The following LLGL2 variants were observed in gnomAD, a reference collection of about 807,000 sequenced individuals.
The protein encoded by LLGL2 is LLGL scribble cell polarity complex component 2, also known as LLGL2, scribble cell polarity complex component.
LLGL2 carries 81 observed loss-of-function variants against 123.2 expected under a neutral mutation model. The ratio of observed to expected loss-of-function variants is 0.66; its 90% CI spans 0.55 to 0.79. The LOEUF (loss-of-function observed/expected upper bound fraction) is 0.79. Ranked by LOEUF, LLGL2 falls within the 30% of genes least tolerant of loss-of-function variation. The pLI, the probability that LLGL2 is intolerant of heterozygous loss-of-function variation, is 0.00. For missense variants in LLGL2, 1,273 were observed against 1,414.6 expected (o/e 0.90, Z 1.61); for synonymous variants, 577 against 594.1 (o/e 0.97, Z 0.42).
At chr17:75,550,039 C>G (rs375759610) in intron 2 of LLGL2, among the ~76,000 whole-genome samples, 1 of 152,216 alleles carries the variant, frequency 6.6e-6, no homozygotes, top group Non-Finnish European at 1.5e-5. Context: ...CAGATGTGGG[C>G]GGGGCCGGGT....
chr17:75,539,644 G>T (rs1475862960), intron 1 of LLGL2, among the ~76,000 whole-genome samples: 1 of 141,304 alleles, frequency 7.1e-6, no homozygotes, highest in Admixed American at 7.4e-5. Context: ...ATTTCACTCC[G>T]TCACCCAGAC....
At position 75,574,197 on chromosome 17, in the gene LLGL2, G is replaced by T; in HGVS notation, c.2906-16G>T. ...GGGCCCAGGCGGGGCGCCCTGACCC[G>T]GCCTCTACCTTCCAGAGAAGCAGCC... is the stretch of plus-strand genomic sequence containing the variant. On this transcript the variant is annotated splice_polypyrimidine_tract_variant and intron_variant, in intron 22 of 25. Coordinates refer to ENST00000392550, the MANE Select transcript of LLGL2 (RefSeq NM_001031803.2). 1 of 1,529,244 alleles carries T rather than the reference G, an allele frequency of 6.5e-7. No homozygotes were observed. Among genetic ancestry groups the T allele is most frequent in the Non-Finnish European group, 8.8e-7 (1 of 1,136,572 alleles). The allele number at this position is 1,529,244 out of a possible 1,614,324, so 94.7% of individuals were successfully genotyped here.
chr17:75,562,939 C>A (rs1162083001), intron 6 of LLGL2, 77 bp from the exon 7 acceptor site: 1 of 1,553,044 alleles, frequency 6.4e-7, no homozygotes, highest in East Asian at 2.3e-5. Flanking sequence ...GCATAGGGAG[C>A]CCCATGGCTG....
chr17:75,539,780 G>T (rs1568024673), intron 1 of LLGL2, among the ~76,000 whole-genome samples: 1 of 151,052 alleles, frequency 6.6e-6, no homozygotes, highest in Non-Finnish European at 1.5e-5. Context: ...GTTAATTTTT[G>T]TATTTTTAGT....
upstream of LLGL2, chr17:75,525,280 CG>C (rs2053514034): frequency 6.6e-6 from 1 of 152,318 alleles, no homozygotes; most frequent in Non-Finnish European, 1.5e-5. This position sits in a 1 kb window ranked among gnomAD's most constrained non-coding sequence, Gnocchi z 4.8. Context: ...CTGCGTCCCC[CG>C]GTCACCCTCT....
chr17:75,551,077 C>T (rs2054651366), intron 2 of LLGL2, among the ~76,000 whole-genome samples: 1 of 152,294 alleles, frequency 6.6e-6, no homozygotes, highest in Middle Eastern at 3.4e-3. Context: ...TGAGGAATCC[C>T]CTGGGAGACA....
Position 75,558,773 on chromosome 17 carries a change from G to A in LLGL2, c.371+146G>A, listed in dbSNP as rs1231686711. The A allele has an allele frequency of 1.5e-6, 1 of 683,328 alleles. No homozygotes were observed. The highest frequency in any genetic ancestry group is 2.3e-5 in the Admixed American group (1 of 43,078). The allele number at this position is 683,328 out of a possible 1,614,324, so 42.3% of individuals were successfully genotyped here. A position where few individuals can be genotyped will look rare whatever the true frequency, so the allele number is the denominator to read the frequency against. Reference sequence around the variant, plus strand: ...TGGCCCGATGCATCGCCACACTCAGGTGCTCCGAGTGGAGTGGGCGGGGCT... The same window carrying A: ...TGGCCCGATGCATCGCCACACTCAGATGCTCCGAGTGGAGTGGGCGGGGCT... On this transcript the variant is annotated intron_variant, in intron 5 of 25. Transcript: ENST00000392550. This position sits in a 1 kb window ranked among gnomAD's most constrained non-coding sequence, Gnocchi z 4.0.
chr17:75,550,069 G>A (rs890535119), intron 2 of LLGL2, among the ~76,000 whole-genome samples: 1 of 152,146 alleles, frequency 6.6e-6, no homozygotes, highest in African/African-American at 2.4e-5. Flanking sequence ...GCCGCGCTTC[G>A]GAGGCCCCAG....
chr17:75,530,662 A>G (rs1388908061), intron 1 of LLGL2, among the ~76,000 whole-genome samples: 2 of 151,850 alleles, frequency 1.3e-5, no homozygotes, highest in Non-Finnish European at 2.9e-5. Context: ...AAAAAAAAAA[A>G]AAAATTAGCT....
At position 75,569,054 on chromosome 17, in the gene LLGL2, C is replaced by T. The variant is rs760735734; in HGVS notation, c.1399C>T (p.Arg467Cys). 10 of 1,612,474 alleles carry T rather than the reference C, an allele frequency of 6.2e-6. No individual in the cohort carries two copies. The highest frequency in any genetic ancestry group is 4.0e-5 in the African/African-American group (3 of 74,878). Residue 467 changes from arginine to cysteine, a missense_variant, in exon 13 of 26, where the codon CGC (arginine) becomes TGC (cysteine). By Grantham distance (180) the Arg-to-Cys change is radical. Transcript: ENST00000392550. ...GCTGCTCTACAAACTCAGCACTGTG[C>T]GCGTGTTCCTCACCGACACGGACCC... is the stretch of plus-strand genomic sequence containing the variant. ...LRLLYKLSTVRVFLTDTDPNE... is the reference protein window; with the variant it reads ...LRLLYKLSTVCVFLTDTDPNE...
chr17:75,548,114 C>T (rs1378028275), intron 2 of LLGL2, among the ~76,000 whole-genome samples: 1 of 152,070 alleles, frequency 6.6e-6, no homozygotes, highest in Non-Finnish European at 1.5e-5. Flanking sequence ...TTGGGATGCT[C>T]GACCGGTAAG....
chr17:75,532,769 T>TG (rs2053848785), intron 1 of LLGL2, among the ~76,000 whole-genome samples: 1 of 152,156 alleles, frequency 6.6e-6, no homozygotes, highest in Admixed American at 6.5e-5. Context: ...TGGAATTCTC[T>TG]GGGGGTCCTG....
chr17:75,554,119 T>C (rs1227802384), intron 2 of LLGL2, among the ~76,000 whole-genome samples: 2 of 151,740 alleles, frequency 1.3e-5, no homozygotes, highest in African/African-American at 4.8e-5. Flanking sequence ...CTGGCCAACA[T>C]GGTGAAAGCC....
chr17:75,553,013 C>G (rs1318574042), intron 2 of LLGL2, among the ~76,000 whole-genome samples: 1 of 152,220 alleles, frequency 6.6e-6, no homozygotes, highest in Non-Finnish European at 1.5e-5. Context: ...ACGGCTCCGG[C>G]TGCTGACTTC....
chr17:75,568,695 T>C lies in LLGL2; in HGVS notation c.1254+2T>C, dbSNP rs770481002. On this transcript the variant is annotated splice_donor_variant, in intron 11 of 25. Coordinates refer to ENST00000392550, the MANE Select transcript of LLGL2 (RefSeq NM_001031803.2). LOFTEE classifies it high-confidence loss of function. ...CAGAACGCACACTTCTCCACCATGG[T>C]AGGTCTGGCCCTGGCCCCAGCCCCA... 6.2e-7 allele frequency: 1 copy of C among 1,613,314 alleles called. No homozygotes were observed. Among genetic ancestry groups the C allele is most frequent in the Non-Finnish European group, 8.5e-7 (1 of 1,179,748 alleles).
intron 2 of LLGL2, among the ~76,000 whole-genome samples, chr17:75,550,167 T>C (rs2054601397): frequency 6.6e-6 from 1 of 152,190 alleles, no homozygotes. Flanking sequence ...GGGCTGGTCT[T>C]GGAATTCCTT....
chr17:75,557,072 T>G (rs1229975227), intron 3 of LLGL2, among the ~76,000 whole-genome samples: 3 of 117,718 alleles, frequency 2.5e-5, no homozygotes, highest in Non-Finnish European at 4.9e-5. Context: ...GGAGACAGGG[T>G]CTTGTGATCT....
chr17:75,525,354 G>A (rs527505147), upstream of LLGL2, among the ~76,000 whole-genome samples: 324 of 152,188 alleles, frequency 2.1e-3, no homozygotes, highest in African/African-American at 7.4e-3. This position sits in a 1 kb window ranked among gnomAD's most constrained non-coding sequence, Gnocchi z 4.8. Context: ...GCTCCCGGGA[G>A]TTGGAGGGAC....
intron 2 of LLGL2, among the ~76,000 whole-genome samples, chr17:75,550,716 G>A (rs1022161015): frequency 1.3e-5 from 2 of 150,706 alleles, no homozygotes; most frequent in Non-Finnish European, 2.9e-5. Flanking sequence ...GGGAGGAGGA[G>A]GTTACAGTGA....
Sources: gnomAD v4.1 joint callset for allele counts (sites outside exome capture counted in the v4.1 genomes callset) on GRCh38, gnomAD v4.1.1 for gene constraint, Gnocchi (gnomAD v3.1) non-coding constraint, MANE v1.5 for transcripts, NCBI Gene and HGNC (gene_info 2026-07-23, HGNC 2026-07-21) for gene names.